TBC1D5: variants seen among roughly 807,000 people sequenced by gnomAD.
TBC1D5 encodes TBC1 domain family member 5.
In TBC1D5, 75 loss-of-function variants were observed where a neutral mutation model predicts 100.3. The ratio of observed to expected loss-of-function variants is 0.75; its 90% CI spans 0.62 to 0.91. The LOEUF (loss-of-function observed/expected upper bound fraction) is 0.91. TBC1D5 is among the 40% of genes least tolerant of loss of function. The probability of loss-of-function intolerance (pLI) is 0.00; values close to 1 mark genes in which losing one functional copy is unlikely to be tolerated. For missense variants in TBC1D5, 910 were observed against 942.4 expected (o/e 0.97, Z 0.45); for synonymous variants, 323 against 325.6 (o/e 0.99, Z 0.09).
chr3:17,738,920 G>A (rs537606564), intron 1 of TBC1D5, among the ~76,000 whole-genome samples: 1 of 152,268 alleles, frequency 6.6e-6, no homozygotes, highest in South Asian at 2.1e-4. Context: ...AACATTTGTA[G>A]AATGATAAAC....
chr3:17,419,227 G>A (rs988475468), intron 4 of TBC1D5, among the ~76,000 whole-genome samples: 3 of 152,194 alleles, frequency 2.0e-5, no homozygotes, highest in Non-Finnish European at 4.4e-5. Flanking sequence ...GCTAGCTGAT[G>A]TACAAGAACA....
chr3:17,333,646 G>C (rs1458598694), intron 13 of TBC1D5, among the ~76,000 whole-genome samples: 1 of 152,128 alleles, frequency 6.6e-6, no homozygotes, highest in Non-Finnish European at 1.5e-5. Flanking sequence ...AAGCTGTAAG[G>C]TCTGCTTGTG....
chr3:17,718,855 T>C (rs900992532), intron 1 of TBC1D5, among the ~76,000 whole-genome samples: 11 of 152,128 alleles, frequency 7.2e-5, no homozygotes, highest in African/African-American at 2.2e-4. Flanking sequence ...AAAAACCCTA[T>C]AGACAGATGA....
chr3:17,474,830 A>G (rs1419736091), intron 3 of TBC1D5, among the ~76,000 whole-genome samples: 1 of 152,156 alleles, frequency 6.6e-6, no homozygotes, highest in Non-Finnish European at 1.5e-5. Flanking sequence ...CCGGAAGGAT[A>G]ATACCAATCT....
At chr3:17,422,298 A>C (rs1236948170) in intron 4 of TBC1D5, among the ~76,000 whole-genome samples, 2 of 151,828 alleles carry the variant, frequency 1.3e-5, no homozygotes, top group African/African-American at 4.8e-5. Context: ...ACTTCCGAGT[A>C]GCTGGGATTA....
At chr3:17,403,282 C>T in intron 7 of TBC1D5, 34 bp from the exon 8 acceptor site, 1 of 1,423,506 alleles carries the variant, frequency 7.0e-7, no homozygotes, top group Non-Finnish European at 9.5e-7. Context: ...TATATAGTCT[C>T]ACACCTTTGT....
intron 18 of TBC1D5, among the ~76,000 whole-genome samples, chr3:17,202,227 GATCTGTGA>G (rs2071554107): frequency 6.6e-6 from 1 of 152,210 alleles, no homozygotes; most frequent in Non-Finnish European, 1.5e-5. Context: ...CTGCTCTAGG[GATCTGTGA>G]AACTTTGAAA....
At chr3:17,214,392 A>C (rs199948867) in intron 17 of TBC1D5, 22 bp from the exon 19 acceptor site, 20 of 1,605,460 alleles carry the variant, frequency 1.2e-5, no homozygotes, top group Non-Finnish European at 1.5e-5. Flanking sequence ...ATTAAGTAGC[A>C]ATAATGAAAC....
intron 13 of TBC1D5, 23 bp downstream of exon 13, chr3:17,372,051 CA>C (rs2092486706): frequency 6.3e-7 from 1 of 1,581,764 alleles, no homozygotes. Context: ...AACAAACAAA[CA>C]AACAAAGAAC....
At position 17,706,290 on chromosome 3, in the gene TBC1D5, G is replaced by C. The variant is rs958141156; in HGVS notation, c.-101+33053C>G. 6 of 1,537,848 alleles carry C rather than the reference G, an allele frequency of 3.9e-6. No homozygotes were observed. The African/African-American group carries it at 8.2e-5, about 21-fold the overall frequency. ...CTCAGCTCTAAAGAGTTGAACTAGAGGGTCTCACCTTTTCTGTTCAAACCA... is the reference window on the plus strand; with the variant it reads ...CTCAGCTCTAAAGAGTTGAACTAGACGGTCTCACCTTTTCTGTTCAAACCA... On this transcript the variant is annotated intron_variant, in intron 1 of 21. Coordinates refer to ENST00000253692, the Ensembl canonical transcript of TBC1D5.
At chr3:17,161,020 A>G in exon 22 of TBC1D5, 2 of 1,614,218 alleles carry the variant, frequency 1.2e-6, no homozygotes, top group Non-Finnish European at 1.7e-6. Flanking sequence ...TGTCGTCATC[A>G]GGACTGGAGC....
intron 2 of TBC1D5, among the ~76,000 whole-genome samples, chr3:17,620,236 T>C (rs1169802167): frequency 2.6e-5 from 4 of 152,214 alleles, no homozygotes; most frequent in Non-Finnish European, 2.9e-5. Context: ...CAGGGGATCC[T>C]CTCAAGTAGC....
At chr3:17,255,782 C>T (rs1375235111) in intron 16 of TBC1D5, among the ~76,000 whole-genome samples, 1 of 152,058 alleles carries the variant, frequency 6.6e-6, no homozygotes, top group Non-Finnish European at 1.5e-5. Flanking sequence ...CTCACGCCTG[C>T]AATCCCAGCA....
chr3:17,171,880 T>C (rs2067205560), intron 19 of TBC1D5, among the ~76,000 whole-genome samples: 1 of 152,182 alleles, frequency 6.6e-6, no homozygotes, highest in African/African-American at 2.4e-5. Flanking sequence ...ACTAATCTTG[T>C]CCTGCATGCA....
chr3:17,405,877 C>A (rs922279151), intron 5 of TBC1D5, among the ~76,000 whole-genome samples: 13 of 151,948 alleles, frequency 8.6e-5, no homozygotes, highest in Non-Finnish European at 5.9e-5. Flanking sequence ...TATTTCAAAG[C>A]AATTAAAAAG....
chr3:17,540,904 T>TAAA (rs2096346931), intron 2 of TBC1D5, among the ~76,000 whole-genome samples: 1 of 28,654 alleles, frequency 3.5e-5, no homozygotes, highest in African/African-American at 2.2e-4. Flanking sequence ...AGGCTCCATC[T>TAAA]CAAAAAAAAA....
At chr3:17,506,908 T>C (rs767094750) in intron 3 of TBC1D5, among the ~76,000 whole-genome samples, 6 of 151,984 alleles carry the variant, frequency 3.9e-5, no homozygotes, top group Non-Finnish European at 8.8e-5. Context: ...CCCAGCTACT[T>C]GGGAGGCTGA....
At chr3:17,330,961 T>C (rs775061604) in intron 13 of TBC1D5, among the ~76,000 whole-genome samples, 13 of 152,176 alleles carry the variant, frequency 8.5e-5, no homozygotes, top group Non-Finnish European at 1.3e-4. Context: ...TTAAGCTTTC[T>C]GATCCCTCCT....
intron 18 of TBC1D5, among the ~76,000 whole-genome samples, chr3:17,203,964 G>C (rs933353266): frequency 5.3e-5 from 8 of 152,166 alleles, no homozygotes; most frequent in African/African-American, 1.9e-4. Flanking sequence ...TTAGCCCTAA[G>C]TTTTCAGGGG....
Sources: allele counts gnomAD v4.1 joint callset (sites outside exome capture counted in the v4.1 genomes callset), GRCh38; gene constraint gnomAD v4.1.1; transcripts MANE v1.5; gene names NCBI Gene and HGNC (gene_info 2026-07-23, HGNC 2026-07-21).